The following WWP1 variants were observed in gnomAD, a reference collection of about 807,000 sequenced individuals.
The protein encoded by WWP1 is WW domain containing E3 ubiquitin protein ligase 1, also known as NEDD4-like E3 ubiquitin-protein ligase WWP1.
In WWP1, 49 loss-of-function variants were observed where a neutral mutation model predicts 130.6. That is an observed-to-expected ratio of 0.38 (90% CI 0.30 to 0.48). WWP1 has a LOEUF of 0.48. WWP1 is among the 20% of genes least tolerant of loss of function. The pLI is 0.99. For synonymous variants in WWP1, 332 were observed against 367.8 expected (o/e 0.90, Z 1.11); for missense variants, 809 against 1,100.6 (o/e 0.74, Z 3.75).
At chr8:86,422,327 T>G (rs748915723) in intron 9 of WWP1, among the ~76,000 whole-genome samples, 11,756 of 59,048 alleles carry the variant, frequency 0.2, 522 homozygotes, top group African/African-American at 0.24. Flanking sequence ...TTGTATTTAT[T>G]TATTTATTTA....
intron 3 of WWP1, among the ~76,000 whole-genome samples, chr8:86,377,638 A>G (rs1440405453): frequency 1.3e-5 from 2 of 152,176 alleles, no homozygotes; most frequent in Non-Finnish European, 2.9e-5. Context: ...ATCAAACAGA[A>G]AACTACCTAT....
intron 5 of WWP1, among the ~76,000 whole-genome samples, chr8:86,393,051 G>C (rs1807445883): frequency 1.3e-5 from 2 of 152,102 alleles, no homozygotes; most frequent in African/African-American, 4.8e-5. Flanking sequence ...TATTAATAAG[G>C]TCAGATGTTT....
intron 1 of WWP1, chr8:86,343,203 G>T (rs1021087408): frequency 5.6e-6 from 1 of 177,370 alleles, no homozygotes; most frequent in African/African-American, 2.4e-5. Context: ...AAGTGTTTCC[G>T]TGACTCTGCA....
chr8:86,407,117 A>G (rs1210982540), intron 8 of WWP1, among the ~76,000 whole-genome samples: 2 of 152,128 alleles, frequency 1.3e-5, no homozygotes, highest in African/African-American at 4.8e-5. Flanking sequence ...GTGTGGTCTT[A>G]TGTCTTGTGG....
Position 86,342,639 on chromosome 8 carries a change from G to C in WWP1, c.-406G>C, listed in dbSNP as rs571321023. ...AGGCGCGCGCTTAGGGCGCGGCGCC[G>C]GCGACGCGGCCACGCGGCGCGCTCC... On this transcript the variant is annotated 5_prime_UTR_variant, in exon 1 of 25. Coordinates refer to ENST00000517970, the MANE Select transcript of WWP1 (RefSeq NM_007013.4). 1.6e-3 allele frequency: 384 copies of C among 246,614 alleles called. 1 individual carries two copies. The highest frequency in any genetic ancestry group is 8.5e-3 in the African/African-American group (364 of 42,812). 15.3% of individuals were successfully genotyped at this position (246,614 alleles called of 1,614,324 possible). A position where few individuals can be genotyped will look rare whatever the true frequency, so the allele number is the denominator to read the frequency against.
rs929992417 is a variant in WWP1 at position 86,362,022 on chromosome 8, A to T, written c.-114-6917A>T. ...TATATACACACATATATATATACAC[A>T]TATATATACACACACATATATATAC... is the stretch of plus-strand genomic sequence containing the variant. On this transcript the variant is annotated intron_variant, in intron 1 of 24. Transcript: ENST00000517970. Among the ~76,000 whole-genome samples, 125 of 141,842 alleles carry T rather than the reference A, an allele frequency of 8.8e-4. 1 individual carries two copies. Among genetic ancestry groups the T allele is most frequent in the African/African-American group, 3.2e-3 (122 of 37,978 alleles). 93.1% of individuals were successfully genotyped at this position (141,842 alleles called of 152,430 possible). A position where few individuals can be genotyped will look rare whatever the true frequency, so the allele number is the denominator to read the frequency against.
chr8:86,354,937 AC>A, intron 1 of WWP1, among the ~76,000 whole-genome samples: 1 of 152,160 alleles, frequency 6.6e-6, no homozygotes, highest in Non-Finnish European at 1.5e-5. Flanking sequence ...TAATATTAAC[AC>A]CTTTTTTTAA....
chr8:86,352,917 TTGAG>T (rs1263745631), intron 1 of WWP1, among the ~76,000 whole-genome samples: 4 of 152,230 alleles, frequency 2.6e-5, no homozygotes, highest in African/African-American at 7.2e-5. Flanking sequence ...AGAAATTATT[TTGAG>T]TGAAGCTAAT....
chr8:86,371,823 C>T (rs190432111), intron 2 of WWP1, among the ~76,000 whole-genome samples: 42 of 151,916 alleles, frequency 2.8e-4, no homozygotes, highest in African/African-American at 8.2e-4. Context: ...TCTCAGTTTC[C>T]GTGTAGTCAA....
intron 8 of WWP1, among the ~76,000 whole-genome samples, chr8:86,406,764 C>T (rs1808303112): frequency 6.6e-6 from 1 of 152,182 alleles, no homozygotes; most frequent in African/African-American, 2.4e-5. Context: ...AAGACTCCCT[C>T]ATGATGTACC....
intron 1 of WWP1, among the ~76,000 whole-genome samples, chr8:86,356,439 T>TTA (rs978412607): frequency 2.0e-5 from 3 of 150,748 alleles, no homozygotes; most frequent in African/African-American, 4.8e-5. Context: ...ATATATATAT[T>TTA]TATATATATA....
chr8:86,381,699 C>T lies in WWP1; in HGVS notation c.334+70C>T, dbSNP rs894947889. The T allele has an allele frequency of 5.8e-6, 8 of 1,384,072 alleles. No homozygotes were observed. In the South Asian group the frequency reaches 1.4e-4, roughly 24 times the overall value. The allele number at this position is 1,384,072 out of a possible 1,614,324, so 85.7% of individuals were successfully genotyped here. On this transcript the variant is annotated intron_variant, in intron 5 of 24. Coordinates refer to ENST00000517970, the MANE Select transcript of WWP1 (RefSeq NM_007013.4). ...AGACACTTTGAACATATCCTGAATCCTAAAAGCAAAAACATAGTTTTGTAT... is the reference window on the plus strand; with the variant it reads ...AGACACTTTGAACATATCCTGAATCTTAAAAGCAAAAACATAGTTTTGTAT...
rs1353322020 is a variant in WWP1 at position 86,430,819 on chromosome 8, A to ATGTATGTTCCTTATTT, written c.1387+69_1387+70insGTATGTTCCTTATTTT. The ATGTATGTTCCTTATTT allele has an allele frequency of 2.4e-5, 13 of 536,908 alleles. 1 individual carries two copies. The African/African-American group carries it at 3.8e-4, about 16-fold the overall frequency. The allele number at this position is 536,908 out of a possible 1,614,324, so 33.3% of individuals were successfully genotyped here. A position where few individuals can be genotyped will look rare whatever the true frequency, so the allele number is the denominator to read the frequency against. ...TCTCCATATATATATATATATATATATATATATATATATGTTCCTTATTTT... is the reference window on the plus strand; with the variant it reads ...TCTCCATATATATATATATATATATATGTATGTTCCTTATTTTATATATATATATGTTCCTTATTTT... On this transcript the variant is annotated intron_variant, in intron 12 of 24. Transcript: ENST00000517970.
intron 1 of WWP1, among the ~76,000 whole-genome samples, chr8:86,365,875 G>A (rs978709578): frequency 1.3e-5 from 2 of 152,120 alleles, no homozygotes; most frequent in East Asian, 1.9e-4. Context: ...AGAACACCAA[G>A]TTTATTTGAA....
At chr8:86,440,378 A>G (rs940865515) in intron 17 of WWP1, among the ~76,000 whole-genome samples, 2 of 152,208 alleles carry the variant, frequency 1.3e-5, no homozygotes, top group African/African-American at 4.8e-5. Flanking sequence ...ATATATTCCT[A>G]CAGTCTTTGC....
At chr8:86,396,242 G>C (rs969677049) in intron 5 of WWP1, among the ~76,000 whole-genome samples, 1 of 152,092 alleles carries the variant, frequency 6.6e-6, no homozygotes, top group African/African-American at 2.4e-5. Context: ...GGGACTACAG[G>C]CAACTGCCAC....
chr8:86,370,855 C>CTTTTTTTTTTTTTTTTTTTTTTTTTTT (rs555585296), intron 2 of WWP1, among the ~76,000 whole-genome samples: 2 of 44,886 alleles, frequency 4.5e-5, no homozygotes, highest in African/African-American at 1.0e-4. Flanking sequence ...TATATTCATT[C>CTTTTTTTTTTTTTTTTTTTTTTTTTTT]TTTTTTTTTT....
chr8:86,458,312 T>C (rs1157980337), intron 22 of WWP1, among the ~76,000 whole-genome samples: 3 of 152,184 alleles, frequency 2.0e-5, no homozygotes, highest in Non-Finnish European at 4.4e-5. Flanking sequence ...GGTATCAAAG[T>C]AGTCTAAATT....
At position 86,398,646 on chromosome 8, in the gene WWP1, A is replaced by G. The variant is rs756504098; in HGVS notation, c.539+8A>G. The G allele has an allele frequency of 2.5e-6, 4 of 1,611,452 alleles. No individual in the cohort carries two copies. In the South Asian group the frequency reaches 4.4e-5, roughly 18 times the overall value. ...AGCAAGGACAACTGCCAGGTAGAAT[A>G]TTTTATTTGAATATGGGTGGCGACA... is the stretch of plus-strand genomic sequence containing the variant. On this transcript the variant is annotated splice_region_variant and intron_variant, in intron 7 of 24. Coordinates refer to ENST00000517970, the MANE Select transcript of WWP1 (RefSeq NM_007013.4).
Sources: gnomAD v4.1 joint callset for allele counts (sites outside exome capture counted in the v4.1 genomes callset) on GRCh38, gnomAD v4.1.1 for gene constraint, MANE v1.5 for transcripts, NCBI Gene and HGNC (gene_info 2026-07-23, HGNC 2026-07-21) for gene names.